The following TJAP1 variants were observed in gnomAD, a reference collection of about 807,000 sequenced individuals.
TJAP1 encodes tight junction associated protein 1.
Under a neutral mutation model 42.0 loss-of-function variants are expected in TJAP1, and 27 were observed. The observed-to-expected ratio is 0.64, with a 90% CI of 0.47 to 0.89. TJAP1 has a LOEUF of 0.89. Among genes scored for constraint, TJAP1 ranks in the 40% least tolerant of loss-of-function variants. The pLI is 0.00. For synonymous variants in TJAP1, 257 were observed against 288.4 expected (o/e 0.89, Z 1.10); for missense variants, 712 against 726.9 (o/e 0.98, Z 0.24).
intron 8 of TJAP1, 46 bp downstream of exon 8, chr6:43,502,663 C>G (rs1297539340): frequency 1.9e-6 from 3 of 1,548,680 alleles, no homozygotes. Context: ...TGGCCTTCTC[C>G]TCAGCTGAGA....
intron 2 of TJAP1, among the ~76,000 whole-genome samples, chr6:43,484,630 G>C (rs1304885512): frequency 6.6e-6 from 1 of 152,198 alleles, no homozygotes; most frequent in Non-Finnish European, 1.5e-5. Context: ...GTAAAACGGA[G>C]TCTCCTTTCT....
At chr6:43,502,070 A>ACTCTCT (rs1439125421) in intron 6 of TJAP1, among the ~76,000 whole-genome samples, 2 of 123,854 alleles carry the variant, frequency 1.6e-5, no homozygotes, top group African/African-American at 8.1e-5. Flanking sequence ...ACACACACAC[A>ACTCTCT]CACACACTCT....
chr6:43,478,866 T>C (rs1029455792), intron 2 of TJAP1: 1 of 152,202 alleles, frequency 6.6e-6, no homozygotes, highest in Non-Finnish European at 1.5e-5. Context: ...GCTCTGGGAA[T>C]GTTTAGCACC....
At chr6:43,498,766 G>A (rs895308808) in intron 3 of TJAP1, among the ~76,000 whole-genome samples, 2 of 151,994 alleles carry the variant, frequency 1.3e-5, no homozygotes, top group Non-Finnish European at 2.9e-5. Context: ...TCTGTTCCCC[G>A]TTGGACCCAT....
rs1784758055 is a variant in TJAP1 at position 43,478,907 on chromosome 6, T to A, written c.-122+675T>A. Among the ~76,000 whole-genome samples, 2 of 152,206 alleles carry A rather than the reference T, an allele frequency of 1.3e-5. 1 individual carries two copies. Among genetic ancestry groups the A allele is most frequent in the South Asian group, 4.1e-4 (2 of 4,832 alleles). ...GCCTATCCTTGAGACCCCTAATATTTGAGAGCTACTTTACAGTTGGACAAG... is the reference window on the plus strand; with the variant it reads ...GCCTATCCTTGAGACCCCTAATATTAGAGAGCTACTTTACAGTTGGACAAG... On this transcript the variant is annotated intron_variant, in intron 2 of 10. Transcript: ENST00000372449.
intron 2 of TJAP1, among the ~76,000 whole-genome samples, chr6:43,482,498 C>T (rs2127472615): frequency 6.6e-6 from 1 of 152,316 alleles, no homozygotes; most frequent in South Asian, 2.1e-4. Context: ...TACTCCTTTG[C>T]CTACCTTTTT....
chr6:43,501,707 GACACACAC>G lies in TJAP1; in HGVS notation c.290+65_290+72del, dbSNP rs70990192. The G allele has an allele frequency of 0.088, 49,446 of 564,426 alleles. 266 individuals are homozygous for G. Among genetic ancestry groups the G allele is most frequent in the Non-Finnish European group, 0.1 (31,732 of 317,548 alleles). The allele number at this position is 564,426 out of a possible 1,614,324, so 35.0% of individuals were successfully genotyped here. ...CCGCAGGTGTGGGAATGAGGGGCCAGACACACACACACACACACACACACACACACACA... is the reference window on the plus strand; with the variant it reads ...CCGCAGGTGTGGGAATGAGGGGCCAGACACACACACACACACACACACACA... On this transcript the variant is annotated intron_variant, in intron 6 of 10. Transcript: ENST00000372449.
rs70990192 is a variant in TJAP1 at position 43,501,707 on chromosome 6, G to GAC, written c.290+71_290+72dup. 17,672 of 566,940 alleles carry GAC rather than the reference G, an allele frequency of 0.031. 142 individuals are homozygous for GAC. Among genetic ancestry groups the GAC allele is most frequent in the East Asian group, 0.045 (1,226 of 27,044 alleles). 35.1% of individuals were successfully genotyped at this position (566,940 alleles called of 1,614,324 possible). On this transcript the variant is annotated intron_variant, in intron 6 of 10. Coordinates refer to ENST00000372449, the Ensembl canonical transcript of TJAP1. ...CCGCAGGTGTGGGAATGAGGGGCCA[G>GAC]ACACACACACACACACACACACACA...
chr6:43,501,891 CCACACACACACA>C (rs550223728), intron 6 of TJAP1, among the ~76,000 whole-genome samples: 162 of 38,850 alleles, frequency 4.2e-3, no homozygotes, highest in South Asian at 9.2e-3. Context: ...GAATGCGGGG[CCACACACACACA>C]CACACACACA....
chr6:43,501,403 T>A (rs1790485024), intron 5 of TJAP1, 123 bp from the exon 6 acceptor site: 2 of 845,144 alleles, frequency 2.4e-6, no homozygotes, highest in African/African-American at 3.4e-5. Context: ...ACTCCAGGAG[T>A]TTCCCTGTCC....
At chr6:43,477,797 C>T (rs1199181512) in intron 1 of TJAP1, among the ~76,000 whole-genome samples, 169 bp downstream of exon 1, 2 of 145,536 alleles carry the variant, frequency 1.4e-5, no homozygotes, top group Admixed American at 6.9e-5. Context: ...TGGGGCGGAC[C>T]GGGGCCCTAG....
At position 43,502,191 on chromosome 6, in the gene TJAP1, G is replaced by A. The variant is rs925900153; in HGVS notation, c.291-92G>A. On this transcript the variant is annotated intron_variant, in intron 6 of 10. Transcript: ENST00000372449. Reference sequence around the variant, plus strand: ...AAAACTGAAGTTCTTGAGGGAGAATGACATGTTCAAGATCCCCTATCGGGG... The same window carrying A: ...AAAACTGAAGTTCTTGAGGGAGAATAACATGTTCAAGATCCCCTATCGGGG... The A allele has an allele frequency of 5.3e-6, 7 of 1,309,014 alleles. No homozygotes were observed. In the African/African-American group the frequency reaches 5.8e-5, roughly 11 times the overall value. The allele number at this position is 1,309,014 out of a possible 1,614,324, so 81.1% of individuals were successfully genotyped here. A position where few individuals can be genotyped will look rare whatever the true frequency, so the allele number is the denominator to read the frequency against.
At chr6:43,490,557 C>G (rs1013851311) in intron 2 of TJAP1, among the ~76,000 whole-genome samples, 2 of 152,170 alleles carry the variant, frequency 1.3e-5, no homozygotes, top group Admixed American at 1.3e-4. Context: ...CTGCAAGGTT[C>G]TCTTTAGGAT....
At chr6:43,494,130 G>T (rs1157942119) in intron 2 of TJAP1, among the ~76,000 whole-genome samples, 3 of 152,168 alleles carry the variant, frequency 2.0e-5, no homozygotes, top group African/African-American at 7.2e-5. Flanking sequence ...TCAGGGAGAA[G>T]GTATTTAATA....
rs1167397264 is a variant in TJAP1 at position 43,491,271 on chromosome 6, G to A, written c.-121-6610G>A. Among the ~76,000 whole-genome samples, 1 of 152,126 alleles carries A rather than the reference G, an allele frequency of 6.6e-6. No homozygotes were observed. The highest frequency in any genetic ancestry group is 2.4e-5 in the African/African-American group (1 of 41,426). Reference sequence around the variant, plus strand: ...AAAGTTGGTGGGGGATATCCATGTTGACCAGAAATATCTGTTTGTTTTTTT... The same window carrying A: ...AAAGTTGGTGGGGGATATCCATGTTAACCAGAAATATCTGTTTGTTTTTTT... On this transcript the variant is annotated intron_variant, in intron 2 of 10. Transcript: ENST00000372449. The surrounding 1 kb of genome is among the most constrained non-coding windows in gnomAD (Gnocchi z 4.6).
Position 43,491,316 on chromosome 6 carries a change from G to A in TJAP1, c.-121-6565G>A, listed in dbSNP as rs936327941. 2.6e-5 allele frequency among the ~76,000 whole-genome samples: 4 copies of A among 152,168 alleles called. No individual in the cohort carries two copies. Among genetic ancestry groups the A allele is most frequent in the Non-Finnish European group, 4.4e-5 (3 of 68,024 alleles). ...TTTTTTGGGTTTTTTTTGAGACAGA[G>A]TTTCGCTCTTGTTGCCCAGGCTGGA... On this transcript the variant is annotated intron_variant, in intron 2 of 10. Coordinates refer to ENST00000372449, the Ensembl canonical transcript of TJAP1. The surrounding 1 kb of genome is among the most constrained non-coding windows in gnomAD (Gnocchi z 4.6).
intron 4 of TJAP1, 116 bp from the exon 5 acceptor site, chr6:43,500,628 C>A: frequency 8.8e-7 from 1 of 1,136,670 alleles, no homozygotes; most frequent in Non-Finnish European, 1.3e-6. Context: ...CAGCCCTCTT[C>A]TGCTATAAGA....
rs568183858 is a variant in TJAP1, at chr6:43,495,307, C to A, written c.-121-2574C>A. On this transcript the variant is annotated intron_variant, in intron 2 of 10. Coordinates refer to ENST00000372449, the Ensembl canonical transcript of TJAP1. The surrounding 1 kb of genome is among the most constrained non-coding windows in gnomAD (Gnocchi z 4.6). ...GGTCTGTCCGGACTTTCCCTGCACACCTTCCTTGCCTCCAGTCAAGGACTG... is the reference window on the plus strand; with the variant it reads ...GGTCTGTCCGGACTTTCCCTGCACAACTTCCTTGCCTCCAGTCAAGGACTG... Among the ~76,000 whole-genome samples the A allele has an allele frequency of 3.5e-4, 53 of 152,368 alleles. No individual in the cohort carries two copies. The highest frequency in any genetic ancestry group is 6.8e-4 in the Non-Finnish European group (46 of 68,038).
At chr6:43,481,809 C>T (rs1056980597) in intron 2 of TJAP1, among the ~76,000 whole-genome samples, 23 of 152,110 alleles carry the variant, frequency 1.5e-4, no homozygotes, top group Admixed American at 9.8e-4. Flanking sequence ...TTAAGACTCA[C>T]TCTCCTCCTC....
Sources: allele counts gnomAD v4.1 joint callset (sites outside exome capture counted in the v4.1 genomes callset), GRCh38; gene constraint gnomAD v4.1.1; non-coding constraint Gnocchi (gnomAD v3.1); transcripts MANE v1.5; gene names NCBI Gene and HGNC (gene_info 2026-07-23, HGNC 2026-07-21).